The following NUP210L variants were observed in gnomAD, a reference collection of about 807,000 sequenced individuals.
The protein encoded by NUP210L is nucleoporin 210 like, also known as nuclear pore membrane glycoprotein 210-like.
Under a neutral mutation model 208.5 loss-of-function variants are expected in NUP210L, and 74 were observed. That is an observed-to-expected ratio of 0.35 (90% CI 0.29 to 0.43). The LOEUF (loss-of-function observed/expected upper bound fraction) is 0.43. Ranked by LOEUF, NUP210L falls within the 20% of genes least tolerant of loss-of-function variation. NUP210L has a pLI of 1.00. For missense variants in NUP210L, 1,843 were observed against 2,289.4 expected, an observed-to-expected ratio of 0.81 and a Z score of 3.98; for synonymous variants, 780 against 816.9, an observed-to-expected ratio of 0.95 and a Z score of 0.77.
At chr1:154,099,877 G>T in intron 14 of NUP210L, 121 bp downstream of exon 14, 1 of 1,027,536 alleles carries the variant, frequency 9.7e-7, no homozygotes, top group Non-Finnish European at 1.4e-6. Context: ...AAAGTGGCAA[G>T]TAAAGAGAAC....
chr1:154,057,901 G>A (rs376101356), intron 22 of NUP210L, among the ~76,000 whole-genome samples, 188 bp downstream of exon 22: 13 of 152,210 alleles, frequency 8.5e-5, no homozygotes, highest in African/African-American at 2.4e-4. Context: ...GTACCCTCAC[G>A]CCAGGCTCAA....
chr1:153,997,450 TTTTTC>T lies in NUP210L; in HGVS notation c.5387-2275_5387-2271del, dbSNP rs1181079238. Among the ~76,000 whole-genome samples the T allele has an allele frequency of 1.3e-4, 19 of 149,800 alleles. No individual in the cohort carries two copies. The East Asian group carries it at 3.4e-3, about 26-fold the overall frequency. On this transcript the variant is annotated intron_variant, in intron 37 of 39. Transcript: ENST00000368559. Reference sequence around the variant, plus strand: ...GCTACCGCACCTGGCCTTTTGGCTGTTTTTCTTTTCTTTTCTGTTTTTTTTTTTTT... The same window carrying T: ...GCTACCGCACCTGGCCTTTTGGCTGTTTTTCTTTTCTGTTTTTTTTTTTTT...
intron 17 of NUP210L, among the ~76,000 whole-genome samples, chr1:154,068,959 A>G (rs1654557097): frequency 1.3e-5 from 2 of 152,146 alleles, no homozygotes; most frequent in African/African-American, 4.8e-5. Flanking sequence ...CATGTACCCT[A>G]AAACTTAAAG....
chr1:154,029,480 G>GA (rs763709568), intron 28 of NUP210L, among the ~76,000 whole-genome samples: 1 of 151,644 alleles, frequency 6.6e-6, no homozygotes, highest in Non-Finnish European at 1.5e-5. Flanking sequence ...GAGGCAGGAG[G>GA]ATCACTTGAG....
At chr1:154,002,075 G>A in intron 35 of NUP210L, 90 bp from the exon 36 acceptor site, 1 of 1,280,998 alleles carries the variant, frequency 7.8e-7, no homozygotes, top group Non-Finnish European at 1.1e-6. Flanking sequence ...ATTGTGACAT[G>A]CAAATTCAGC....
intron 32 of NUP210L, among the ~76,000 whole-genome samples, chr1:154,020,768 G>A (rs529899583): frequency 1.6e-4 from 24 of 150,570 alleles, no homozygotes; most frequent in South Asian, 1.5e-3. Context: ...CTTGTGATCC[G>A]CCTGCTTCAG....
chr1:154,123,618 C>T (rs1292493091), intron 10 of NUP210L, among the ~76,000 whole-genome samples: 1 of 152,060 alleles, frequency 6.6e-6, no homozygotes, highest in Admixed American at 6.6e-5. Flanking sequence ...TGGCTCACTC[C>T]TACAATTCCA....
At chr1:154,090,926 A>G (rs1655871626) in intron 15 of NUP210L, among the ~76,000 whole-genome samples, 1 of 151,938 alleles carries the variant, frequency 6.6e-6, no homozygotes, top group Admixed American at 6.6e-5. Flanking sequence ...TGTGGAAAAT[A>G]GTATGGTGGT....
chr1:154,003,387 T>TAAA (rs753119547), intron 35 of NUP210L, among the ~76,000 whole-genome samples: 5 of 151,108 alleles, frequency 3.3e-5, no homozygotes. Context: ...TTTGTATTTT[T>TAAA]AGTAGAGACG....
chr1:154,090,449 A>C (rs1232885938), intron 15 of NUP210L, among the ~76,000 whole-genome samples: 1 of 152,160 alleles, frequency 6.6e-6, no homozygotes, highest in Admixed American at 6.6e-5. Context: ...AAATGAAGGA[A>C]ACTATCTCAA....
At chr1:154,074,237 A>G (rs1315022329) in intron 16 of NUP210L, among the ~76,000 whole-genome samples, 5 of 152,106 alleles carry the variant, frequency 3.3e-5, no homozygotes, top group African/African-American at 4.8e-5. Context: ...GCTTTCACTT[A>G]CTAGTCTTAA....
chr1:154,154,878 G>A (rs746475428), exon 1 of NUP210L: 3 of 1,614,098 alleles, frequency 1.9e-6, no homozygotes, highest in Admixed American at 3.3e-5. Flanking sequence ...CAGCAGGAAA[G>A]GCACCCGGCC....
chr1:154,028,769 C>A (rs978386082), intron 28 of NUP210L, among the ~76,000 whole-genome samples: 2 of 151,760 alleles, frequency 1.3e-5, no homozygotes, highest in Non-Finnish European at 2.9e-5. Context: ...AGACTACTCA[C>A]CTGCAAGTAC....
At chr1:154,107,726 G>A (rs1332918219) in intron 12 of NUP210L, among the ~76,000 whole-genome samples, 1 of 151,706 alleles carries the variant, frequency 6.6e-6, no homozygotes, top group African/African-American at 2.4e-5. Flanking sequence ...AATAAGCTGG[G>A]CATGGTGGCG....
intron 35 of NUP210L, among the ~76,000 whole-genome samples, chr1:154,006,884 A>G (rs1407038539): frequency 1.4e-5 from 2 of 141,448 alleles, no homozygotes; most frequent in African/African-American, 5.2e-5. Flanking sequence ...ACACATACAT[A>G]TGTATACACA....
intron 25 of NUP210L, among the ~76,000 whole-genome samples, chr1:154,047,813 C>T (rs1653270631): frequency 6.6e-6 from 1 of 152,106 alleles, no homozygotes; most frequent in Admixed American, 6.6e-5. Context: ...TCCTCTAGTG[C>T]CACTGGGTTA....
At chr1:154,042,163 G>A (rs1293480651) in intron 27 of NUP210L, among the ~76,000 whole-genome samples, 1 of 149,082 alleles carries the variant, frequency 6.7e-6, no homozygotes, top group Non-Finnish European at 1.5e-5. Context: ...GGAGTGGTGC[G>A]ATCACAGCTC....
At chr1:154,065,264 T>TA (rs939023065) in intron 17 of NUP210L, among the ~76,000 whole-genome samples, 3 of 149,524 alleles carry the variant, frequency 2.0e-5, no homozygotes, top group Non-Finnish European at 4.5e-5. Context: ...TACAAAAAAT[T>TA]AAAAAATTAG....
At chr1:154,011,263 G>A (rs536057437) in intron 34 of NUP210L, among the ~76,000 whole-genome samples, 3 of 145,938 alleles carry the variant, frequency 2.1e-5, no homozygotes, top group East Asian at 2.0e-4. Flanking sequence ...TTGCTTTGTC[G>A]CCCAGGCCAG....
Sources: allele counts gnomAD v4.1 joint callset (sites outside exome capture counted in the v4.1 genomes callset), GRCh38; gene constraint gnomAD v4.1.1; transcripts MANE v1.5; gene names NCBI Gene and HGNC (gene_info 2026-07-23, HGNC 2026-07-21).